GRIA4: variants seen among roughly 807,000 people sequenced by gnomAD.
GRIA4 encodes glutamate ionotropic receptor AMPA type subunit 4, also known as glutamate receptor 4.
In GRIA4, 34 loss-of-function variants were observed where a neutral mutation model predicts 104.0. The observed-to-expected ratio is 0.33, with a 90% CI of 0.25 to 0.44. The LOEUF (loss-of-function observed/expected upper bound fraction) is 0.44, where lower values mean the gene tolerates loss of function less well. GRIA4 is among the 20% of genes least tolerant of loss of function. The probability of loss-of-function intolerance (pLI) is 1.00; values close to 1 mark genes in which losing one functional copy is unlikely to be tolerated. For synonymous variants in GRIA4, 386 were observed against 381.9 expected (o/e 1.01, Z -0.13); for missense variants, 750 against 1,096.5 (o/e 0.68, Z 4.46).
intron 4 of GRIA4, among the ~76,000 whole-genome samples, chr11:105,809,359 G>T (rs937619308): frequency 2.6e-5 from 4 of 151,988 alleles, no homozygotes; most frequent in African/African-American, 9.7e-5. Context: ...ATTTGTGTTG[G>T]CAATATTCCA....
At chr11:105,845,037 T>C (rs150723469) in intron 4 of GRIA4, among the ~76,000 whole-genome samples, 1 of 152,334 alleles carries the variant, frequency 6.6e-6, no homozygotes, top group East Asian at 1.9e-4. Context: ...TACTTCCACA[T>C]TTAGTGACTT....
At chr11:105,937,664 T>C (rs1948080551) in intron 14 of GRIA4, among the ~76,000 whole-genome samples, 2 of 152,200 alleles carry the variant, frequency 1.3e-5, no homozygotes, top group Admixed American at 6.5e-5. Flanking sequence ...TAGTCACCTA[T>C]ACTTTTATTA....
At chr11:105,643,780 A>G (rs372389789) in intron 3 of GRIA4, among the ~76,000 whole-genome samples, 85 of 152,246 alleles carry the variant, frequency 5.6e-4, no homozygotes, top group African/African-American at 1.8e-3. Flanking sequence ...GTGCAGTGAC[A>G]TCATCTCTGC....
chr11:105,833,193 G>A (rs1944043251), intron 4 of GRIA4, among the ~76,000 whole-genome samples: 1 of 151,806 alleles, frequency 6.6e-6, no homozygotes, highest in Non-Finnish European at 1.5e-5. Flanking sequence ...ATGCTTATTA[G>A]GTGTGAGAAA....
chr11:105,703,229 A>C (rs1357418448), intron 3 of GRIA4, among the ~76,000 whole-genome samples: 2 of 152,210 alleles, frequency 1.3e-5, no homozygotes, highest in South Asian at 4.1e-4. Context: ...CTTCTGATTC[A>C]TATGGTCATT....
chr11:105,830,597 C>A (rs1943939618), intron 4 of GRIA4, among the ~76,000 whole-genome samples: 1 of 151,960 alleles, frequency 6.6e-6, no homozygotes, highest in Non-Finnish European at 1.5e-5. Context: ...CACAAGTGAG[C>A]AGATAGTAGG....
At chr11:105,845,657 G>A (rs1944559955) in intron 4 of GRIA4, among the ~76,000 whole-genome samples, 1 of 152,182 alleles carries the variant, frequency 6.6e-6, no homozygotes, top group East Asian at 1.9e-4. Context: ...ACCGAGGCGG[G>A]TAGATCGCGA....
At chr11:105,890,160 G>C (rs1946407669) in intron 6 of GRIA4, among the ~76,000 whole-genome samples, 1 of 152,132 alleles carries the variant, frequency 6.6e-6, no homozygotes, top group Non-Finnish European at 1.5e-5. Context: ...ATCAATATGG[G>C]ATGCATGAAA....
At chr11:105,610,835 C>A (rs1051205689) in intron 1 of GRIA4, 73 bp from the exon 2 acceptor site, 1 of 599,438 alleles carries the variant, frequency 1.7e-6, no homozygotes, top group African/African-American at 1.9e-5. Flanking sequence ...ACCACCGAAA[C>A]CTCTTTCCTT....
At chr11:105,684,167 C>A (rs185807933) in intron 3 of GRIA4, among the ~76,000 whole-genome samples, 32 of 152,172 alleles carry the variant, frequency 2.1e-4, no homozygotes, top group East Asian at 1.2e-3. Context: ...AGCCACTGCG[C>A]CGGGCCAAAT....
intron 4 of GRIA4, among the ~76,000 whole-genome samples, chr11:105,800,776 A>AC (rs1565246470): frequency 1.3e-5 from 1 of 78,852 alleles, no homozygotes; most frequent in Non-Finnish European, 2.5e-5. Context: ...CTGCTACATT[A>AC]AAAATTTTAA....
chr11:105,933,607 G>C, intron 13 of GRIA4, 115 bp from the exon 14 acceptor site: 1 of 692,370 alleles, frequency 1.4e-6, no homozygotes, highest in Non-Finnish European at 2.4e-6. Context: ...GTGGCAAATT[G>C]GAGTTAGAGA....
chr11:105,976,698 G>T (rs1349222146), intron 16 of GRIA4, among the ~76,000 whole-genome samples: 1 of 151,850 alleles, frequency 6.6e-6, no homozygotes, highest in Admixed American at 6.6e-5. Flanking sequence ...AAACAAAACT[G>T]GCACCTTCAA....
chr11:105,896,049 A>T (rs1946639075), intron 6 of GRIA4, among the ~76,000 whole-genome samples: 2 of 152,088 alleles, frequency 1.3e-5, no homozygotes, highest in South Asian at 4.1e-4. Flanking sequence ...CAACAGTTGC[A>T]GTTTTTATTT....
chr11:105,950,548 AT>A (rs1407392476), intron 14 of GRIA4, among the ~76,000 whole-genome samples: 1 of 88,098 alleles, frequency 1.1e-5, no homozygotes, highest in African/African-American at 4.7e-5. Flanking sequence ...CTTTGTATGT[AT>A]GAAAAAAAAG....
chr11:105,671,046 A>G (rs770005407), intron 3 of GRIA4, among the ~76,000 whole-genome samples: 1 of 152,072 alleles, frequency 6.6e-6, no homozygotes, highest in Non-Finnish European at 1.5e-5. Context: ...ACTGAGTCAC[A>G]TCTTCCCCTT....
intron 4 of GRIA4, among the ~76,000 whole-genome samples, chr11:105,830,389 T>C (rs1943931080): frequency 6.6e-6 from 1 of 152,006 alleles, no homozygotes; most frequent in African/African-American, 2.4e-5. Flanking sequence ...AACTAAAATT[T>C]ATTAAAGTTT....
chr11:105,904,604 A>C (rs192323972), intron 8 of GRIA4, among the ~76,000 whole-genome samples: 12 of 152,262 alleles, frequency 7.9e-5, no homozygotes, highest in African/African-American at 2.9e-4. Flanking sequence ...GTCTTTTATA[A>C]TTATACTAAC....
At chr11:105,668,596 C>G (rs1408001784) in intron 3 of GRIA4, among the ~76,000 whole-genome samples, 2 of 151,008 alleles carry the variant, frequency 1.3e-5, no homozygotes, top group East Asian at 3.9e-4. Context: ...AATGACTCTA[C>G]CAGTTTATAT....
Sources: allele counts gnomAD v4.1 joint callset (sites outside exome capture counted in the v4.1 genomes callset), GRCh38; gene constraint gnomAD v4.1.1; transcripts MANE v1.5; gene names NCBI Gene and HGNC (gene_info 2026-07-23, HGNC 2026-07-21).